MGAT4C: variants seen among roughly 807,000 people sequenced by gnomAD.
The protein encoded by MGAT4C is alpha-1,3-mannosyl-glycoprotein 4-beta-N-acetylglucosaminyltransferase C.
In MGAT4C, 19 loss-of-function variants were observed where a neutral mutation model predicts 40.1. The ratio of observed to expected loss-of-function variants is 0.47; its 90% CI spans 0.33 to 0.70. The LOEUF (loss-of-function observed/expected upper bound fraction) is 0.70. Among genes scored for constraint, MGAT4C ranks in the 30% least tolerant of loss-of-function variants. MGAT4C has a pLI of 0.02. For missense variants in MGAT4C, 491 were observed against 563.2 expected, an observed-to-expected ratio of 0.87 and a Z score of 1.30; for synonymous variants, 181 against 187.1, an observed-to-expected ratio of 0.97 and a Z score of 0.27.
At chr12:86,050,467 T>C (rs1008382251) in intron 1 of MGAT4C, among the ~76,000 whole-genome samples, 1 of 152,124 alleles carries the variant, frequency 6.6e-6, no homozygotes. Context: ...TTTCCCACTA[T>C]ACATAAACAC....
chr12:86,011,051 A>T (rs956906344), intron 2 of MGAT4C, among the ~76,000 whole-genome samples: 2 of 152,204 alleles, frequency 1.3e-5, no homozygotes, highest in African/African-American at 4.8e-5. Flanking sequence ...TTCTGTATGT[A>T]TAAATTACCC....
chr12:86,277,874 T>C (rs1953114991), intron 4 of MGAT4C, among the ~76,000 whole-genome samples: 1 of 152,182 alleles, frequency 6.6e-6, no homozygotes, highest in Non-Finnish European at 1.5e-5. Context: ...CTTTGGCTGT[T>C]CTGGGGTTTT....
chr12:86,236,832 G>C (rs1304196498), intron 1 of MGAT4C, among the ~76,000 whole-genome samples: 1 of 151,830 alleles, frequency 6.6e-6, no homozygotes, highest in East Asian at 1.9e-4. Context: ...GCAGCCATGA[G>C]ACTAAAAAGC....
intron 2 of MGAT4C, among the ~76,000 whole-genome samples, chr12:86,646,454 T>C (rs1439678405): frequency 6.6e-6 from 1 of 151,940 alleles, no homozygotes; most frequent in East Asian, 1.9e-4. Flanking sequence ...ACTTAGTTTC[T>C]TTGAGATTTC....
intron 2 of MGAT4C, among the ~76,000 whole-genome samples, chr12:86,011,631 G>C (rs1888469506): frequency 6.6e-6 from 1 of 152,172 alleles, no homozygotes. Flanking sequence ...CTAGGTAGTA[G>C]GATAGGGCCA....
chr12:86,018,209 A>T (rs2136850806), intron 2 of MGAT4C, among the ~76,000 whole-genome samples: 1 of 152,278 alleles, frequency 6.6e-6, no homozygotes, highest in East Asian at 1.9e-4. Flanking sequence ...GAAGAAAAAC[A>T]AAATTCTACC....
At chr12:86,666,443 A>G (rs1964108795) in intron 2 of MGAT4C, among the ~76,000 whole-genome samples, 1 of 151,972 alleles carries the variant, frequency 6.6e-6, no homozygotes, top group Admixed American at 6.6e-5. Flanking sequence ...ATGTGTCCAC[A>G]ACACTCTTTC....
chr12:86,522,780 T>C (rs1258372840), intron 2 of MGAT4C, among the ~76,000 whole-genome samples: 1 of 152,120 alleles, frequency 6.6e-6, no homozygotes, highest in Non-Finnish European at 1.5e-5. Flanking sequence ...TTGGAGCTCA[T>C]TATCGGTGTG....
chr12:86,392,644 GT>G (rs1293431430), intron 3 of MGAT4C, among the ~76,000 whole-genome samples: 1 of 152,188 alleles, frequency 6.6e-6, no homozygotes, highest in Non-Finnish European at 1.5e-5. Context: ...TTTTACCTGA[GT>G]TTTTAAGGGT....
chr12:86,241,649 C>T (rs1367224271), intron 1 of MGAT4C, among the ~76,000 whole-genome samples: 3 of 152,128 alleles, frequency 2.0e-5, no homozygotes, highest in Middle Eastern at 3.2e-3. Context: ...GGAAAAAGAT[C>T]GCTTAGATCA....
At chr12:86,752,837 A>ATT (rs1389931577) in intron 1 of MGAT4C, among the ~76,000 whole-genome samples, 1 of 152,120 alleles carries the variant, frequency 6.6e-6, no homozygotes, top group Non-Finnish European at 1.5e-5. Context: ...TGCTGGAACA[A>ATT]TTGCCTATCC....
chr12:86,249,657 C>G (rs1952183576), intron 1 of MGAT4C, among the ~76,000 whole-genome samples: 2 of 152,114 alleles, frequency 1.3e-5, no homozygotes, highest in South Asian at 4.1e-4. Context: ...TACCTTGGTG[C>G]AAATTTTTAG....
chr12:86,009,887 G>A (rs930315113), intron 2 of MGAT4C, among the ~76,000 whole-genome samples: 2 of 152,138 alleles, frequency 1.3e-5, no homozygotes, highest in Admixed American at 6.5e-5. Context: ...AAATGTAAAT[G>A]AGTTGGTTGT....
intron 1 of MGAT4C, among the ~76,000 whole-genome samples, chr12:86,777,740 C>A (rs577047975): frequency 6.6e-6 from 1 of 152,236 alleles, no homozygotes; most frequent in South Asian, 2.1e-4. Context: ...CTACTCCTGG[C>A]TGTCTCCAGA....
chr12:86,379,777 CTT>C (rs1955895246), intron 3 of MGAT4C, among the ~76,000 whole-genome samples: 2 of 152,180 alleles, frequency 1.3e-5, no homozygotes, highest in South Asian at 2.1e-4. Context: ...TTTCAATAAT[CTT>C]ATATCTGCTC....
At chr12:86,263,145 T>C (rs1430098521) in intron 4 of MGAT4C, among the ~76,000 whole-genome samples, 2 of 152,146 alleles carry the variant, frequency 1.3e-5, no homozygotes, top group African/African-American at 2.4e-5. Context: ...ATCAGTGATA[T>C]GGGTCTAGAT....
At chr12:86,392,269 C>T (rs370766218) in intron 3 of MGAT4C, among the ~76,000 whole-genome samples, 1 of 152,036 alleles carries the variant, frequency 6.6e-6, no homozygotes, top group Admixed American at 6.5e-5. Context: ...GTCAGGAGTT[C>T]AAGACCAGCC....
At chr12:86,078,441 T>C (rs993616263) in intron 1 of MGAT4C, among the ~76,000 whole-genome samples, 3 of 152,162 alleles carry the variant, frequency 2.0e-5, no homozygotes, top group Non-Finnish European at 2.9e-5. Context: ...CCACGGATGG[T>C]AGTCTTGGCA....
At chr12:86,555,607 C>T (rs1233416392) in intron 2 of MGAT4C, among the ~76,000 whole-genome samples, 1 of 152,152 alleles carries the variant, frequency 6.6e-6, no homozygotes, top group East Asian at 1.9e-4. Context: ...GAATGGAATC[C>T]TTGCTCCTTG....
Sources: gnomAD v4.1 joint callset for allele counts (sites outside exome capture counted in the v4.1 genomes callset) on GRCh38, gnomAD v4.1.1 for gene constraint, MANE v1.5 for transcripts, NCBI Gene and HGNC (gene_info 2026-07-23, HGNC 2026-07-21) for gene names.